The following STAG2 variants were observed in gnomAD, a reference collection of about 807,000 sequenced individuals.
STAG2 encodes the protein STAG2 cohesin complex component, also known as cohesin subunit SA-2.
In STAG2, 14 loss-of-function variants were observed where a neutral mutation model predicts 108.1. That is an observed-to-expected ratio of 0.13 (90% CI 0.09 to 0.20). The LOEUF is 0.20. Among genes scored for constraint, STAG2 ranks in the 10% least tolerant of loss-of-function variants. The pLI is 1.00. For missense variants in STAG2, 440 were observed against 940.9 expected (o/e 0.47, Z 6.96); for synonymous variants, 307 against 302.7 (o/e 1.01, Z -0.15).
At chrX:124,026,128 AAATAATAATAAT>A (rs57097416) in intron 4 of STAG2, among the ~76,000 whole-genome samples, 82 of 88,938 alleles carry the variant, frequency 9.2e-4, no homozygotes, top group Admixed American at 2.4e-3. Flanking sequence ...GTAAAGTTGC[AAATAATAATAAT>A]AATAATAATA....
chrX:124,039,576 G>A (rs2057636163), intron 6 of STAG2, among the ~76,000 whole-genome samples: 1 of 108,532 alleles, frequency 9.2e-6, no homozygotes, highest in South Asian at 4.2e-4. Context: ...CCACCTTCCT[G>A]GCATGAGTGA....
At chrX:124,032,912 T>C (rs1034501110) in intron 5 of STAG2, among the ~76,000 whole-genome samples, 5 of 112,469 alleles carry the variant, frequency 4.4e-5, no homozygotes, top group Non-Finnish European at 9.4e-5. Context: ...TTTAGAAATA[T>C]AGAATTAGCT....
chrX:124,055,698 G>A (rs981525935), intron 13 of STAG2, among the ~76,000 whole-genome samples: 1 of 111,689 alleles, frequency 9.0e-6, no homozygotes, highest in African/African-American at 3.3e-5. Context: ...AAGCATTTTT[G>A]ATTGATGTGA....
chrX:124,100,806 C>G lies in STAG2; in HGVS notation c.*209C>G, dbSNP rs1330973519. The stretch of plus-strand genomic sequence containing the variant: ...AAGTAAACAATTTGATGATAAGCTA[C>G]AGTTTTTCTTAGAAAGTAAATATTT... On this transcript the variant is annotated 3_prime_UTR_variant, in exon 35 of 35. Transcript: ENST00000371145. 3.5e-6 allele frequency: 1 copy of G among 287,148 alleles called. No homozygotes were observed. The highest frequency in any genetic ancestry group is 6.2e-6 in the Non-Finnish European group (1 of 160,809). The allele number at this position is 287,148 out of a possible 1,213,427, so 23.7% of individuals were successfully genotyped here.
chrX:124,097,704 C>T (rs779665294), intron 34 of STAG2: 2 of 338,318 alleles, frequency 5.9e-6, no homozygotes, highest in African/African-American at 5.2e-5. Context: ...TGGGAATTTC[C>T]ACTTTCATAC....
At chrX:123,990,494 C>G (rs1210511907) in intron 1 of STAG2, among the ~76,000 whole-genome samples, 1 of 111,372 alleles carries the variant, frequency 9.0e-6, no homozygotes, top group Non-Finnish European at 1.9e-5. Flanking sequence ...CCACCTGCCT[C>G]CAGACCCCAT....
At chrX:124,072,504 G>A (rs2058687214) in intron 25 of STAG2, among the ~76,000 whole-genome samples, 1 of 110,999 alleles carries the variant, frequency 9.0e-6, no homozygotes, top group African/African-American at 3.3e-5. Flanking sequence ...TATACTTTGA[G>A]TTTTTCATCT....
chrX:124,006,693 C>A, intron 1 of STAG2, among the ~76,000 whole-genome samples: 1 of 111,223 alleles, frequency 9.0e-6, no homozygotes, highest in East Asian at 2.8e-4. Flanking sequence ...CCCACCTCGG[C>A]CTCCCAAAGT....
At chrX:124,014,653 ACCC>A (rs2056641146) in intron 1 of STAG2, among the ~76,000 whole-genome samples, 1 of 111,153 alleles carries the variant, frequency 9.0e-6, no homozygotes, top group Non-Finnish European at 1.9e-5. Flanking sequence ...GAGCTACTGC[ACCC>A]GGCCTGTCCT....
At chrX:123,984,570 A>G (rs770300458) in intron 1 of STAG2, among the ~76,000 whole-genome samples, 1 of 111,893 alleles carries the variant, frequency 8.9e-6, no homozygotes, top group Non-Finnish European at 1.9e-5. Context: ...TGCCTGATAT[A>G]TAGCAGGCTC....
chrX:124,064,471 T>C (rs1461401565), intron 20 of STAG2, among the ~76,000 whole-genome samples: 1 of 93,742 alleles, frequency 1.1e-5, no homozygotes, highest in Admixed American at 1.2e-4. Flanking sequence ...GGAGACGGAG[T>C]CTTTCTCTGT....
intron 21 of STAG2, 25 bp from the exon 22 acceptor site, chrX:124,066,150 T>A (rs759071654): frequency 8.6e-5 from 78 of 910,237 alleles, no homozygotes; most frequent in Non-Finnish European, 1.1e-4. Context: ...TTAATTTTTT[T>A]TTTTTTTTTT....
intron 16 of STAG2, 76 bp downstream of exon 16, chrX:124,061,417 C>G (rs2058372141): frequency 6.8e-6 from 5 of 735,563 alleles, no homozygotes; most frequent in East Asian, 3.4e-5. Context: ...TTTATTTGTC[C>G]TTTTAGTTTT....
intron 1 of STAG2, among the ~76,000 whole-genome samples, chrX:123,971,973 T>C (rs1168938430): frequency 8.9e-6 from 1 of 112,115 alleles, no homozygotes; most frequent in African/African-American, 3.2e-5. Context: ...ATCCCTCTTT[T>C]ATTGTGATTT....
chrX:123,981,661 C>T (rs1176033324), intron 1 of STAG2, among the ~76,000 whole-genome samples: 1 of 111,168 alleles, frequency 9.0e-6, no homozygotes, highest in Non-Finnish European at 1.9e-5. Context: ...TCACTGCATT[C>T]GATTCTTTTG....
At chrX:123,996,077 C>T (rs1239059246) in intron 1 of STAG2, among the ~76,000 whole-genome samples, 2 of 112,102 alleles carry the variant, frequency 1.8e-5, no homozygotes, top group Admixed American at 9.5e-5. Flanking sequence ...CTGACAGATC[C>T]GTACATACAT....
At chrX:124,092,565 G>A (rs1187289406) in intron 32 of STAG2, among the ~76,000 whole-genome samples, 3 of 111,397 alleles carry the variant, frequency 2.7e-5, no homozygotes, top group African/African-American at 6.5e-5. Flanking sequence ...CCCGCCTCCC[G>A]GCAACTACAA....
At chrX:123,981,224 C>A (rs2054858854) in intron 1 of STAG2, among the ~76,000 whole-genome samples, 1 of 110,738 alleles carries the variant, frequency 9.0e-6, no homozygotes, top group Admixed American at 9.7e-5. Flanking sequence ...TGTTGTGCAA[C>A]CATTGTCACC....
intron 23 of STAG2, among the ~76,000 whole-genome samples, chrX:124,067,316 G>A (rs1482097138): frequency 1.2e-5 from 1 of 83,459 alleles, no homozygotes; most frequent in Non-Finnish European, 2.2e-5. Flanking sequence ...TCATCCAGGC[G>A]GGAGTGTAGT....
Sources: gnomAD v4.1 joint callset for allele counts (sites outside exome capture counted in the v4.1 genomes callset) on GRCh38, gnomAD v4.1.1 for gene constraint, MANE v1.5 for transcripts, NCBI Gene and HGNC (gene_info 2026-07-23, HGNC 2026-07-21) for gene names.